Variants in PTPRD observed in about 807,000 individuals in gnomAD.
The protein encoded by PTPRD is receptor-type tyrosine-protein phosphatase delta.
PTPRD carries 34 observed loss-of-function variants against 214.5 expected under a neutral mutation model. The observed-to-expected ratio is 0.16, with a 90% CI of 0.12 to 0.21. The LOEUF is 0.21. PTPRD is among the 10% of genes least tolerant of loss of function. PTPRD has a pLI of 1.00. For synonymous variants in PTPRD, 1,128 were observed against 845.7 expected (o/e 1.33, Z -5.79); for missense variants, 2,545 against 2,398.7 (o/e 1.06, Z -1.27).
chr9:9,734,135 A>T (rs978241514), intron 7 of PTPRD, among the ~76,000 whole-genome samples: 1 of 152,112 alleles, frequency 6.6e-6, no homozygotes, highest in Non-Finnish European at 1.5e-5. Context: ...TAAACACCCA[A>T]TTTTTGTGTC....
intron 9 of PTPRD, among the ~76,000 whole-genome samples, chr9:9,385,750 T>G (rs2063675903): frequency 6.6e-6 from 1 of 152,190 alleles, no homozygotes; most frequent in African/African-American, 2.4e-5. Flanking sequence ...TTAACTCATT[T>G]AGTCGACATA....
At chr9:9,893,039 T>C (rs1048412438) in intron 5 of PTPRD, among the ~76,000 whole-genome samples, 10 of 152,198 alleles carry the variant, frequency 6.6e-5, no homozygotes, top group Admixed American at 6.6e-4. Context: ...CTCACTTAGA[T>C]ATGCTGAGTA....
At chr9:9,464,410 T>C (rs10491614) in intron 8 of PTPRD, among the ~76,000 whole-genome samples, 87,712 of 151,980 alleles carry the variant, frequency 0.58, 25,957 homozygotes, top group East Asian at 0.68. Flanking sequence ...ATAGTTACTA[T>C]CATTGCATTT....
intron 3 of PTPRD, among the ~76,000 whole-genome samples, chr9:10,050,607 A>AAAC (rs2097518052): frequency 6.7e-6 from 1 of 148,820 alleles, no homozygotes; most frequent in Non-Finnish European, 1.5e-5. Flanking sequence ...GTCAATTTAA[A>AAAC]AACTAACTCT....
intron 7 of PTPRD, among the ~76,000 whole-genome samples, chr9:9,587,582 T>G (rs771198370): frequency 5.3e-4 from 81 of 152,104 alleles, no homozygotes; most frequent in African/African-American, 1.9e-3. Flanking sequence ...GATACTACAG[T>G]GCTTCTCAAA....
At chr9:10,343,979 T>G (rs1387966888) in intron 2 of PTPRD, among the ~76,000 whole-genome samples, 2 of 81,844 alleles carry the variant, frequency 2.4e-5, no homozygotes, top group African/African-American at 5.3e-5. Flanking sequence ...CTGATGGTAG[T>G]TTTTTTTTTT....
In PTPRD at chr9:8,485,906, G is replaced by A. The variant is rs777974658; in HGVS notation, c.2911C>T (p.Leu971Phe). The A allele has an allele frequency of 1.9e-6, 3 of 1,614,186 alleles. No homozygotes were observed. The highest frequency in any genetic ancestry group is 2.5e-6 in the Non-Finnish European group (3 of 1,180,026). ...ATAGTGGTGTCAGCTGGAACAATAA[G>A]CTGCTCCATCGGGAGAAGGGGGATG... ...INIPLLPMEQ[L>F]IVPADTTMTL... The change falls in exon 28 of 46, where the codon CTT becomes TTT. Residue 971 changes from leucine (L) to phenylalanine (F), a missense_variant. Leu to Phe is a conservative substitution (Grantham distance 22). Coordinates refer to ENST00000381196, the MANE Select transcript of PTPRD (RefSeq NM_002839.4).
At chr9:10,044,389 T>C (rs1158580228) in intron 3 of PTPRD, among the ~76,000 whole-genome samples, 1 of 151,792 alleles carries the variant, frequency 6.6e-6, no homozygotes, top group East Asian at 1.9e-4. Context: ...CTGTGCTGGC[T>C]CTATACCCCA....
Position 8,952,431 on chromosome 9 carries a change from C to T in PTPRD, c.-104+66266G>A, listed in dbSNP as rs190011548. Among the ~76,000 whole-genome samples, 26 of 151,976 alleles carry T rather than the reference C, an allele frequency of 1.7e-4. No individual in the cohort carries two copies. In the East Asian group the frequency reaches 5.0e-3, roughly 29 times the overall value. ...TAGCAACACAATCTGTATGTTTTAC[C>T]TTTACCCTTAAACCATATCAACTAA... is the stretch of plus-strand genomic sequence containing the variant. On this transcript the variant is annotated intron_variant, in intron 11 of 45. Coordinates refer to ENST00000381196, the MANE Select transcript of PTPRD (RefSeq NM_002839.4).
At chr9:10,581,112 T>C (rs1377409276) in intron 2 of PTPRD, among the ~76,000 whole-genome samples, 1 of 152,156 alleles carries the variant, frequency 6.6e-6, no homozygotes, top group African/African-American at 2.4e-5. Flanking sequence ...AATTTCCTCC[T>C]TTCTAAAATA....
intron 9 of PTPRD, among the ~76,000 whole-genome samples, chr9:9,190,111 T>A (rs993410080): frequency 6.6e-6 from 1 of 152,098 alleles, no homozygotes; most frequent in Non-Finnish European, 1.5e-5. Flanking sequence ...TAATCCCTAT[T>A]GTAACAGTGT....
chr9:8,506,124 T>A (rs1176627240), intron 22 of PTPRD, among the ~76,000 whole-genome samples: 1 of 152,222 alleles, frequency 6.6e-6, no homozygotes, highest in African/African-American at 2.4e-5. Flanking sequence ...TACAAGAACA[T>A]ATTAATTTAT....
chr9:9,839,113 T>C (rs2057635104), intron 5 of PTPRD, among the ~76,000 whole-genome samples: 1 of 152,204 alleles, frequency 6.6e-6, no homozygotes, highest in African/African-American at 2.4e-5. Flanking sequence ...TCTGTGCTGT[T>C]CCATTGATCT....
At chr9:9,047,698 C>T (rs1242583764) in intron 10 of PTPRD, among the ~76,000 whole-genome samples, 2 of 152,050 alleles carry the variant, frequency 1.3e-5, no homozygotes, top group African/African-American at 4.8e-5. Flanking sequence ...TATCCATATG[C>T]AGAAGAATTA....
At chr9:9,299,840 T>C (rs1345358703) in intron 9 of PTPRD, among the ~76,000 whole-genome samples, 2 of 151,426 alleles carry the variant, frequency 1.3e-5, no homozygotes, top group African/African-American at 2.4e-5. Flanking sequence ...CCAAAGTCTT[T>C]ATGTTCTTGA....
intron 9 of PTPRD, among the ~76,000 whole-genome samples, chr9:9,364,628 A>C (rs2057343218): frequency 6.6e-6 from 1 of 151,396 alleles, no homozygotes; most frequent in African/African-American, 2.4e-5. Flanking sequence ...CTGGAGCAGA[A>C]AGAAAGAGGA....
chr9:8,657,057 T>C (rs563887646), intron 12 of PTPRD, among the ~76,000 whole-genome samples: 1 of 152,328 alleles, frequency 6.6e-6, no homozygotes, highest in East Asian at 1.9e-4. Context: ...ATTATGGTTT[T>C]GATTTGCATT....
At chr9:10,060,197 C>G (rs10809025) in intron 3 of PTPRD, among the ~76,000 whole-genome samples, 11,937 of 152,022 alleles carry the variant, frequency 0.079, 776 homozygotes, top group East Asian at 0.34. Context: ...CATTTCTGTC[C>G]TCAGCTTTCA....
chr9:10,233,184 C>A (rs2099617735), intron 3 of PTPRD, among the ~76,000 whole-genome samples: 1 of 151,914 alleles, frequency 6.6e-6, no homozygotes, highest in Admixed American at 6.6e-5. Flanking sequence ...ATTTGCATAT[C>A]AATGAAGATA....
Sources: allele counts gnomAD v4.1 joint callset (sites outside exome capture counted in the v4.1 genomes callset), GRCh38; gene constraint gnomAD v4.1.1; transcripts MANE v1.5; gene names NCBI Gene and HGNC (gene_info 2026-07-23, HGNC 2026-07-21).